CHD2: variants seen among roughly 807,000 people sequenced by gnomAD.
CHD2 encodes the protein ATP-dependent chromatin remodeler CHD2.
A neutral mutation model predicts 243.9 loss-of-function variants in CHD2; 28 were observed. That is an observed-to-expected ratio of 0.11 (90% CI 0.09 to 0.16). The LOEUF (loss-of-function observed/expected upper bound fraction) is 0.16. Ranked by LOEUF, CHD2 falls within the 10% of genes least tolerant of loss-of-function variation. The probability of loss-of-function intolerance (pLI) is 1.00; values close to 1 mark genes in which losing one functional copy is unlikely to be tolerated. For synonymous variants in CHD2, 775 were observed against 779.0 expected, an observed-to-expected ratio of 0.99 and a Z score of 0.09; for missense variants, 1,386 against 2,209.8, an observed-to-expected ratio of 0.63 and a Z score of 7.47.
intron 2 of CHD2, among the ~76,000 whole-genome samples, chr15:92,903,826 A>T (rs948112303): frequency 2.0e-5 from 3 of 152,202 alleles, no homozygotes; most frequent in Non-Finnish European, 4.4e-5. Context: ...TTTATCTCCA[A>T]ATCGTCTGCC....
At chr15:92,962,698 T>G (rs956357257) in intron 16 of CHD2, among the ~76,000 whole-genome samples, 2 of 152,216 alleles carry the variant, frequency 1.3e-5, no homozygotes, top group African/African-American at 4.8e-5. Flanking sequence ...ATATCTTTTC[T>G]AACTGCCAGT....
At position 92,946,051 on chromosome 15, in the gene CHD2, GCCGGCA is replaced by G. The variant is rs1329393753; in HGVS notation, c.1215_1220del (p.Ala406_Pro407del). On this transcript the variant is annotated inframe_deletion, in exon 12 of 39. Transcript: ENST00000394196. ...TATATGAAATAGCTCATAGTCGGAA[GCCGGCA>G]CCCTCAAATGAGCCCGAATATCTAT... The G allele has an allele frequency of 6.3e-7, 1 of 1,586,434 alleles. No homozygotes were observed. Among genetic ancestry groups the G allele is most frequent in the Non-Finnish European group, 8.6e-7 (1 of 1,165,902 alleles).
At chr15:92,985,964 TG>T (rs1268396153) in intron 26 of CHD2, among the ~76,000 whole-genome samples, 6 of 152,150 alleles carry the variant, frequency 3.9e-5, no homozygotes, top group Non-Finnish European at 8.8e-5. Context: ...TTGACATACA[TG>T]TATATACAGA....
intron 26 of CHD2, among the ~76,000 whole-genome samples, chr15:92,989,911 A>G (rs2054094623): frequency 1.3e-5 from 2 of 152,208 alleles, no homozygotes. Flanking sequence ...CTCTGCATGG[A>G]CACAGACCTG....
At position 92,901,216 on chromosome 15, in the gene CHD2, C is replaced by T. The variant is rs775529948; in HGVS notation, c.-22C>T. On this transcript the variant is annotated 5_prime_UTR_variant, in exon 2 of 39. Coordinates refer to ENST00000394196, the MANE Select transcript of CHD2 (RefSeq NM_001271.4). ...AAGCAAACACAGATTCCCCCTCCCCCTTAATATTTAAGAATTAAAAGATGA... is the reference window on the plus strand; with the variant it reads ...AAGCAAACACAGATTCCCCCTCCCCTTTAATATTTAAGAATTAAAAGATGA... The T allele has an allele frequency of 2.0e-6, 3 of 1,496,946 alleles. No individual in the cohort carries two copies. Among genetic ancestry groups the T allele is most frequent in the Admixed American group, 1.7e-5 (1 of 59,008 alleles). 92.7% of individuals were successfully genotyped at this position (1,496,946 alleles called of 1,614,324 possible). A position where few individuals can be genotyped will look rare whatever the true frequency, so the allele number is the denominator to read the frequency against.
intron 24 of CHD2, among the ~76,000 whole-genome samples, chr15:92,983,005 C>G (rs2053998796): frequency 6.6e-6 from 1 of 152,134 alleles, no homozygotes; most frequent in Admixed American, 6.5e-5. Context: ...CTGGTGGAGG[C>G]TCTCAGGTTG....
intron 5 of CHD2, 43 bp downstream of exon 5, chr15:92,929,134 AAC>A (rs768880270): frequency 5.8e-6 from 9 of 1,555,394 alleles, no homozygotes; most frequent in Non-Finnish European, 7.9e-6. Flanking sequence ...AGTAGTTTCA[AAC>A]TTGTCAGCAT....
intron 2 of CHD2, among the ~76,000 whole-genome samples, chr15:92,918,033 C>G (rs1406713): frequency 0.75 from 113,650 of 152,128 alleles, 43,558 homozygotes; most frequent in East Asian, 0.98. Context: ...TGTAAGTTAG[C>G]AAAATAAACA....
At chr15:92,954,402 C>G (rs1035985048) in intron 14 of CHD2, 5 of 152,180 alleles carry the variant, frequency 3.3e-5, no homozygotes, top group African/African-American at 9.7e-5. Context: ...TGGGAAATTG[C>G]TTGTAATAAG....
intron 2 of CHD2, among the ~76,000 whole-genome samples, chr15:92,919,144 C>A (rs1286239464): frequency 6.6e-6 from 1 of 151,306 alleles, no homozygotes; most frequent in African/African-American, 2.4e-5. Context: ...GCTTGAGCCA[C>A]CATGCTCGGC....
chr15:92,991,227 C>T (rs2054115870), intron 26 of CHD2: 1 of 388,054 alleles, frequency 2.6e-6, no homozygotes, highest in Non-Finnish European at 4.6e-6. Context: ...GTTATCTAAG[C>T]AGGTTTATGT....
chr15:92,952,103 C>T (rs2053561579), intron 13 of CHD2, among the ~76,000 whole-genome samples: 1 of 152,114 alleles, frequency 6.6e-6, no homozygotes, highest in Non-Finnish European at 1.5e-5. Context: ...TAATTTCCTG[C>T]CAAAATGACT....
chr15:92,917,552 C>T (rs1184572767), intron 2 of CHD2, among the ~76,000 whole-genome samples: 2 of 152,184 alleles, frequency 1.3e-5, no homozygotes, highest in African/African-American at 4.8e-5. Context: ...CAGAGCGCGA[C>T]TTGGTCTCAA....
chr15:93,011,286 G>A (rs377447392), intron 35 of CHD2, among the ~76,000 whole-genome samples: 1 of 152,202 alleles, frequency 6.6e-6, no homozygotes, highest in Non-Finnish European at 1.5e-5. Context: ...AGCCCAGATA[G>A]AGTGGAAGTG....
At position 92,997,959 on chromosome 15, in the gene CHD2, A is replaced by AC. The variant is rs368739306; in HGVS notation, c.3886-540_3886-539insC. Reference sequence around the variant, plus strand: ...ATTTGCTCCATGTTGTGCTCCTGGCAGTTCAACAGTGCTCATCCCATCTGG... The same window carrying AC: ...ATTTGCTCCATGTTGTGCTCCTGGCACGTTCAACAGTGCTCATCCCATCTGG... On this transcript the variant is annotated intron_variant, in intron 30 of 38. Transcript: ENST00000394196. This position sits in a 1 kb window ranked among gnomAD's most constrained non-coding sequence, Gnocchi z 4.1. 109,391 of 156,960 alleles carry AC rather than the reference A, an allele frequency of 0.7. 39,707 individuals carry two copies. The highest frequency in any genetic ancestry group is 0.99 in the East Asian group (5,182 of 5,216). 9.7% of individuals were successfully genotyped at this position (156,960 alleles called of 1,614,324 possible). A position where few individuals can be genotyped will look rare whatever the true frequency, so the allele number is the denominator to read the frequency against.
rs958187579 is a variant in CHD2 at position 92,955,833 on chromosome 15, A to G, written c.1809+321A>G. Among the ~76,000 whole-genome samples, 4 of 152,258 alleles carry G rather than the reference A, an allele frequency of 2.6e-5. No homozygotes were observed. In the East Asian group the frequency reaches 5.8e-4, roughly 22 times the overall value. On this transcript the variant is annotated intron_variant, in intron 15 of 38. Coordinates refer to ENST00000394196, the MANE Select transcript of CHD2 (RefSeq NM_001271.4). ...AGAATGAAAGGGTATTGAATAGGTCAGTAACTTACCTGAGATTATTGTCAG... is the reference window on the plus strand; with the variant it reads ...AGAATGAAAGGGTATTGAATAGGTCGGTAACTTACCTGAGATTATTGTCAG...
intron 38 of CHD2, among the ~76,000 whole-genome samples, chr15:93,024,158 T>G (rs2054565671): frequency 6.6e-6 from 1 of 151,740 alleles, no homozygotes; most frequent in African/African-American, 2.4e-5. Context: ...TTTTCAAGTG[T>G]GTACTTGTGT....
In CHD2 at chr15:92,997,536, C is replaced by A. The variant is rs922329129; in HGVS notation, c.3885+133C>A. 2.6e-6 allele frequency: 2 copies of A among 778,812 alleles called. No individual in the cohort carries two copies. The highest frequency in any genetic ancestry group is 2.5e-5 in the South Asian group (1 of 39,764). 48.2% of individuals were successfully genotyped at this position (778,812 alleles called of 1,614,324 possible). On this transcript the variant is annotated intron_variant, in intron 30 of 38. Transcript: ENST00000394196. This position sits in a 1 kb window ranked among gnomAD's most constrained non-coding sequence, Gnocchi z 4.1. ...AGTATAGTCATTCTTGGAAATACTT[C>A]CATCTTTAGCAGATTGTGGCACTGT...
chr15:92,996,821 ATAG>A, intron 28 of CHD2, 133 bp from the exon 29 acceptor site: 2 of 826,066 alleles, frequency 2.4e-6, no homozygotes, highest in Non-Finnish European at 3.6e-6. Flanking sequence ...AATTTGTCTT[ATAG>A]ATTATATCTT....
Sources: gnomAD v4.1 joint callset for allele counts (sites outside exome capture counted in the v4.1 genomes callset) on GRCh38, gnomAD v4.1.1 for gene constraint, Gnocchi (gnomAD v3.1) non-coding constraint, MANE v1.5 for transcripts, NCBI Gene and HGNC (gene_info 2026-07-23, HGNC 2026-07-21) for gene names.